The following DIO1 variants were observed in gnomAD, a reference collection of about 807,000 sequenced individuals.
The protein encoded by DIO1 is type I iodothyronine deiodinase.
A neutral mutation model predicts 25.9 loss-of-function variants in DIO1; 17 were observed. The observed-to-expected ratio is 0.66, with a 90% confidence interval of 0.45 to 0.98. DIO1 has a LOEUF of 0.98. DIO1 is among the 50% of genes least tolerant of loss of function. DIO1 has a pLI of 0.00. For synonymous variants in DIO1, 115 were observed against 114.0 expected (o/e 1.01, Z -0.05); for missense variants, 270 against 310.4 (o/e 0.87, Z 0.98).
At chr1:53,895,150 C>A (rs900406759) in intron 1 of DIO1, among the ~76,000 whole-genome samples, 1 of 152,136 alleles carries the variant, frequency 6.6e-6, no homozygotes, top group Non-Finnish European at 1.5e-5. Context: ...CTCGGCTGGG[C>A]GTGATGGTTC....
chr1:53,895,656 A>G (rs1012453113), intron 1 of DIO1, among the ~76,000 whole-genome samples: 6 of 152,130 alleles, frequency 3.9e-5, no homozygotes, highest in Admixed American at 3.3e-4. Flanking sequence ...CACTTTCAGC[A>G]GCTCCCCTCT....
rs1326819838 is a variant in DIO1, at chr1:53,894,226, C to A, written c.16C>A (p.Pro6Thr). Residue 6 changes from proline (P) to threonine (T), a missense_variant, in exon 1 of 4, where the codon CCA becomes ACA. Coordinates refer to ENST00000361921, the MANE Select transcript of DIO1 (RefSeq NM_000792.7). This position sits in a 1 kb window ranked among gnomAD's most constrained non-coding sequence, Gnocchi z 4.9. ...CTTTGCCGAGATGGGGCTGCCCCAG[C>A]CAGGGCTGTGGCTGAAGAGGCTCTG... Reference protein sequence around the residue: MGLPQPGLWLKRLWVL... With the variant: MGLPQTGLWLKRLWVL... 1.9e-6 allele frequency: 3 copies of A among 1,613,678 alleles called. No individual in the cohort carries two copies. The highest frequency in any genetic ancestry group is 3.3e-5 in the Admixed American group (2 of 60,010).
intron 1 of DIO1, among the ~76,000 whole-genome samples, chr1:53,903,933 C>T (rs1023510722): frequency 6.6e-5 from 10 of 151,996 alleles, no homozygotes; most frequent in East Asian, 3.9e-4. Flanking sequence ...TTTCATTTGG[C>T]GGCAGGCCCA....
At chr1:53,897,911 C>A (rs1651162917) in intron 1 of DIO1, among the ~76,000 whole-genome samples, 1 of 152,080 alleles carries the variant, frequency 6.6e-6, no homozygotes, top group Non-Finnish European at 1.5e-5. Flanking sequence ...GGGACTGAAG[C>A]AAAAGAAAAA....
At chr1:53,906,493 C>G (rs180866171) in intron 3 of DIO1, among the ~76,000 whole-genome samples, 199 bp downstream of exon 3, 33 of 152,284 alleles carry the variant, frequency 2.2e-4, no homozygotes, top group African/African-American at 7.5e-4. Flanking sequence ...TGTTGGTCTC[C>G]ACCTCACGGG....
At position 53,904,752 on chromosome 1, in the gene DIO1, G is replaced by A. The variant is rs377232338; in HGVS notation, c.424G>A (p.Asp142Asn). 1 of 1,613,716 alleles carries A rather than the reference G, an allele frequency of 6.2e-7. No homozygotes were observed. Among genetic ancestry groups the A allele is most frequent in the Non-Finnish European group, 8.5e-7 (1 of 1,179,812 alleles). The change falls in exon 2 of 4, where the codon GAC (aspartate) becomes AAC (asparagine). Residue 142 changes from aspartate to asparagine, a missense_variant. By Grantham distance (23) the Asp-to-Asn change is conservative. Transcript: ENST00000361921. ...TGACCAGTTCAAGAGGCTTATTGAA[G>A]ACTTTAGTTCCATAGCAGATTTTCT... ...KFDQFKRLIE[D>N]FSSIADFLVI...
Position 53,904,693 on chromosome 1 carries a change from G to T in DIO1, c.365G>T (p.Gly122Val), listed in dbSNP as rs1651556894. Residue 122 changes from glycine to valine, a missense_variant, in exon 2 of 4, where the codon GGA becomes GTA. Gly to Val is a moderately radical substitution (Grantham distance 109). Transcript: ENST00000361921. ...AATAGGCCACTGGTGCTGAATTTTG[G>T]AAGTTGTACCTGACCTTCATTTATG... The part of the protein sequence containing the change: ...QGNRPLVLNF[G>V]SCTUPSFMFK... The T allele has an allele frequency of 6.2e-7, 1 of 1,613,464 alleles. No homozygotes were observed. Among genetic ancestry groups the T allele is most frequent in the Admixed American group, 1.7e-5 (1 of 59,906 alleles).
At chr1:53,907,216 A>G (rs1233469105) in intron 3 of DIO1, among the ~76,000 whole-genome samples, 3 of 152,116 alleles carry the variant, frequency 2.0e-5, no homozygotes, top group Non-Finnish European at 4.4e-5. Context: ...CTTTCTTGTG[A>G]TTGCTTCCTC....
intron 1 of DIO1, among the ~76,000 whole-genome samples, chr1:53,897,367 T>G (rs1056297847): frequency 1.3e-5 from 2 of 151,964 alleles, no homozygotes; most frequent in Non-Finnish European, 2.9e-5. Flanking sequence ...TCCCAGCTAC[T>G]CAGAAGGCTG....
intron 3 of DIO1, among the ~76,000 whole-genome samples, chr1:53,907,332 G>C (rs1423582029): frequency 6.6e-6 from 1 of 152,182 alleles, no homozygotes; most frequent in Non-Finnish European, 1.5e-5. Context: ...ACATTTTAAA[G>C]CTATTGAAGG....
In DIO1 at chr1:53,909,947, G is replaced by A. The variant is rs1334720041; in HGVS notation, c.698G>A (p.Trp233Ter). Residue 233 changes from tryptophan to a stop codon, truncating the protein, a stop_gained, in exon 4 of 4, where the codon TGG becomes TAG. Coordinates refer to ENST00000361921, the MANE Select transcript of DIO1 (RefSeq NM_000792.7). LOFTEE classifies it high-confidence loss of function. ...CTCTTGCAGGGTAAATCTGGCCCTT[G>A]GAACTACAACCCAGAGGAAGTTCGT... Reference protein sequence around the residue: ...RILYKGKSGPWNYNPEEVRAV... With the variant: ...RILYKGKSGP 2 of 1,614,112 alleles carry A rather than the reference G, an allele frequency of 1.2e-6. No individual in the cohort carries two copies. The highest frequency in any genetic ancestry group is 2.7e-5 in the African/African-American group (2 of 75,016).
rs764042578 is a variant in DIO1 at position 53,906,196 on chromosome 1, C to T, written c.583C>T (p.Pro195Ser). The change falls in exon 3 of 4, where the codon CCT (proline) becomes TCT (serine). Residue 195 changes from proline (P) to serine (S), a missense_variant. Transcript: ENST00000361921. ...ACTGCTGGCCAGGAGCCCCCAGTGC[C>T]CTGTGGTGGTGGACACCATGCAGAA... The part of the protein sequence containing the change: ...HLLLARSPQC[P>S]VVVDTMQNQS... The T allele has an allele frequency of 6.2e-6, 10 of 1,614,196 alleles. No individual in the cohort carries two copies. The East Asian group carries it at 2.2e-4, about 36-fold the overall frequency.
rs534791287 is a variant in DIO1 at position 53,905,158 on chromosome 1, T to C, written c.481+349T>C. Among the ~76,000 whole-genome samples the C allele has an allele frequency of 1.8e-4, 27 of 149,776 alleles. No individual in the cohort carries two copies. In the East Asian group the frequency reaches 5.2e-3, roughly 29 times the overall value. ...AATGTCACAGGTGAAATGACGGCCT[T>C]ATGGCTATTTTTTTTTTTTTTTTTT... On this transcript the variant is annotated intron_variant, in intron 2 of 3. Transcript: ENST00000361921.
At chr1:53,899,902 A>G (rs1415232224) in intron 1 of DIO1, among the ~76,000 whole-genome samples, 1 of 152,066 alleles carries the variant, frequency 6.6e-6, no homozygotes, top group Non-Finnish European at 1.5e-5. Flanking sequence ...CTACCTAAAG[A>G]GTGACAGAGT....
chr1:53,902,565 G>T (rs763251536), intron 1 of DIO1, among the ~76,000 whole-genome samples: 5 of 151,780 alleles, frequency 3.3e-5, no homozygotes, highest in Non-Finnish European at 7.4e-5. Context: ...GGGTTTGGGG[G>T]TATGTGGACA....
chr1:53,897,424 C>T (rs369957284), intron 1 of DIO1, among the ~76,000 whole-genome samples: 22 of 151,946 alleles, frequency 1.4e-4, no homozygotes, highest in African/African-American at 5.1e-4. Context: ...TGCAGTGAGC[C>T]GAGATCGCAC....
chr1:53,902,297 T>A lies in DIO1; in HGVS notation c.338-2369T>A, dbSNP rs947806508. Among the ~76,000 whole-genome samples, 14 of 151,906 alleles carry A rather than the reference T, an allele frequency of 9.2e-5. 1 individual carries two copies. The highest frequency in any genetic ancestry group is 3.4e-4 in the African/African-American group (14 of 41,160). ...TCCTTTATAGCCTCTCTCGTAACAC[T>A]GATCACAATTTGAAACTTCTTCATT... On this transcript the variant is annotated intron_variant, in intron 1 of 3. Coordinates refer to ENST00000361921, the MANE Select transcript of DIO1 (RefSeq NM_000792.7).
intron 1 of DIO1, among the ~76,000 whole-genome samples, chr1:53,900,680 G>A (rs949472072): frequency 6.6e-6 from 1 of 152,142 alleles, no homozygotes; most frequent in Non-Finnish European, 1.5e-5. Flanking sequence ...GCAGAACACA[G>A]AGGGGGTATA....
At chr1:53,898,809 G>T (rs1001314615) in intron 1 of DIO1, among the ~76,000 whole-genome samples, 1 of 150,438 alleles carries the variant, frequency 6.6e-6, no homozygotes, top group Admixed American at 6.6e-5. Context: ...CCACCAAAAA[G>T]CTCTGTTGTA....
Sources: gnomAD v4.1 joint callset for allele counts (sites outside exome capture counted in the v4.1 genomes callset) on GRCh38, gnomAD v4.1.1 for gene constraint, Gnocchi (gnomAD v3.1) non-coding constraint, MANE v1.5 for transcripts, NCBI Gene and HGNC (gene_info 2026-07-23, HGNC 2026-07-21) for gene names.